The following MAP3K2 variants were observed in gnomAD, a reference collection of about 807,000 sequenced individuals.
The protein encoded by MAP3K2 is MAP/ERK kinase kinase 2.
MAP3K2 carries 24 observed loss-of-function variants against 80.3 expected under a neutral mutation model. The observed-to-expected ratio is 0.30, with a 90% confidence interval of 0.22 to 0.42. MAP3K2 has a LOEUF of 0.42. Ranked by LOEUF, MAP3K2 falls within the 10% of genes least tolerant of loss-of-function variation. MAP3K2 has a pLI of 1.00. For synonymous variants in MAP3K2, 244 were observed against 253.7 expected (o/e 0.96, Z 0.36); for missense variants, 608 against 750.1 (o/e 0.81, Z 2.21).
intron 1 of MAP3K2, among the ~76,000 whole-genome samples, chr2:127,368,755 T>C (rs1687014217): frequency 6.6e-6 from 1 of 152,206 alleles, no homozygotes; most frequent in African/African-American, 2.4e-5. Flanking sequence ...AAATAGTTGT[T>C]ATAAGTTATT....
chr2:127,354,239 T>TAAAAA (rs56904810), intron 1 of MAP3K2, among the ~76,000 whole-genome samples: 1 of 113,618 alleles, frequency 8.8e-6, no homozygotes, highest in African/African-American at 3.4e-5. Context: ...GAATGATCAA[T>TAAAAA]AAAAAAAAAA....
chr2:127,300,963 T>C lies in MAP3K2; in HGVS notation c.*6616A>G, dbSNP rs947874351. The stretch of plus-strand genomic sequence containing the variant: ...AAGCTAATGCTAAAATCATCACTAG[T>C]TACATATGCTTTTAAAAAATAAATT... On this transcript the variant is annotated 3_prime_UTR_variant, in exon 17 of 17. Transcript: ENST00000682094. 4 of 152,328 alleles carry C rather than the reference T, an allele frequency of 2.6e-5. No homozygotes were observed. Among genetic ancestry groups the C allele is most frequent in the African/African-American group, 9.6e-5 (4 of 41,572 alleles). The allele number at this position is 152,328 out of a possible 1,614,324, so 9.4% of individuals were successfully genotyped here.
intron 5 of MAP3K2, among the ~76,000 whole-genome samples, chr2:127,332,093 T>C (rs1686269477): frequency 6.6e-6 from 1 of 152,212 alleles, no homozygotes; most frequent in Non-Finnish European, 1.5e-5. Flanking sequence ...TCTATGAGAA[T>C]TTTTTTCTAA....
At chr2:127,382,041 A>G (rs1029323253) in intron 1 of MAP3K2, among the ~76,000 whole-genome samples, 1 of 152,226 alleles carries the variant, frequency 6.6e-6, no homozygotes, top group African/African-American at 2.4e-5. Context: ...ACTGCTGTAG[A>G]CTATAAGAGA....
chr2:127,371,566 T>C (rs765665600), intron 1 of MAP3K2, among the ~76,000 whole-genome samples: 32 of 152,184 alleles, frequency 2.1e-4, no homozygotes, highest in Non-Finnish European at 4.0e-4. Flanking sequence ...AAAACGCTAA[T>C]GTGGATCGCC....
At chr2:127,356,143 A>G (rs1159698259) in intron 1 of MAP3K2, among the ~76,000 whole-genome samples, 1 of 152,080 alleles carries the variant, frequency 6.6e-6, no homozygotes, top group Non-Finnish European at 1.5e-5. Flanking sequence ...AAAGTTGTCC[A>G]TCAGGGCTGG....
intron 1 of MAP3K2, among the ~76,000 whole-genome samples, chr2:127,374,098 C>T (rs928136915): frequency 3.3e-5 from 5 of 152,094 alleles, no homozygotes; most frequent in African/African-American, 9.7e-5. Flanking sequence ...TCACATAATT[C>T]CCTCACTCAT....
At chr2:127,348,359 G>T (rs937280459) in intron 1 of MAP3K2, among the ~76,000 whole-genome samples, 1 of 152,112 alleles carries the variant, frequency 6.6e-6, no homozygotes, top group Admixed American at 6.5e-5. Context: ...CTACACTCCA[G>T]CCTGGACAAC....
chr2:127,332,090 GA>G (rs1284906495), intron 5 of MAP3K2, among the ~76,000 whole-genome samples: 1 of 152,080 alleles, frequency 6.6e-6, no homozygotes, highest in African/African-American at 2.4e-5. Context: ...CGCTCTATGA[GA>G]ATTTTTTTCT....
At chr2:127,385,410 T>A (rs539849754) in intron 1 of MAP3K2, among the ~76,000 whole-genome samples, 1 of 152,324 alleles carries the variant, frequency 6.6e-6, no homozygotes, top group African/African-American at 2.4e-5. Context: ...AGGTATATAC[T>A]TTTTTTAGAC....
At chr2:127,323,015 C>T (rs1686056619) in intron 11 of MAP3K2, among the ~76,000 whole-genome samples, 1 of 151,672 alleles carries the variant, frequency 6.6e-6, no homozygotes, top group Non-Finnish European at 1.5e-5. Flanking sequence ...CCTGTAATCC[C>T]AGCACTTTGG....
chr2:127,364,327 T>C lies in MAP3K2; in HGVS notation c.-65-21133A>G, dbSNP rs1181701903. The stretch of plus-strand genomic sequence containing the variant: ...GAGTAGGAGTCAATAGGTTCTGAGT[T>C]ATACTACGAAGTGTTCCATATGCCT... On this transcript the variant is annotated intron_variant, in intron 1 of 16. Coordinates refer to ENST00000682094, the MANE Select transcript of MAP3K2 (RefSeq NM_001371910.2). The surrounding 1 kb of genome is among the most constrained non-coding windows in gnomAD (Gnocchi z 4.1). Among the ~76,000 whole-genome samples, 2 of 152,226 alleles carry C rather than the reference T, an allele frequency of 1.3e-5. No homozygotes were observed. Among genetic ancestry groups the C allele is most frequent in the East Asian group, 1.9e-4 (1 of 5,200 alleles).
intron 1 of MAP3K2, among the ~76,000 whole-genome samples, chr2:127,360,698 T>C (rs546426795): frequency 6.6e-6 from 1 of 152,256 alleles, no homozygotes; most frequent in Non-Finnish European, 1.5e-5. Context: ...CTCATTACTC[T>C]GCAGACATCT....
In MAP3K2 at chr2:127,387,093, T is replaced by C. The variant is rs539492178; in HGVS notation, c.-66+359A>G. On this transcript the variant is annotated intron_variant, in intron 1 of 16. Coordinates refer to ENST00000682094, the MANE Select transcript of MAP3K2 (RefSeq NM_001371910.2). ...GGGAAACAACCTTACATCAAAAGAT[T>C]ACCACACTGTGACAGTGCAAAGACA... 7.2e-5 allele frequency among the ~76,000 whole-genome samples: 11 copies of C among 152,292 alleles called. No homozygotes were observed. In the South Asian group the frequency reaches 1.2e-3, roughly 17 times the overall value.
chr2:127,380,239 C>T (rs1318646632), intron 1 of MAP3K2, among the ~76,000 whole-genome samples: 2 of 152,098 alleles, frequency 1.3e-5, no homozygotes, highest in Non-Finnish European at 2.9e-5. Flanking sequence ...AACGACACAT[C>T]AATGATTATA....
At chr2:127,333,739 G>C (rs527703557) in intron 5 of MAP3K2, among the ~76,000 whole-genome samples, 1 of 151,708 alleles carries the variant, frequency 6.6e-6, no homozygotes, top group Non-Finnish European at 1.5e-5. Context: ...CCTTCAGAAA[G>C]CATGAGAAAA....
rs1687386183 is a variant in MAP3K2 at position 127,387,449 on chromosome 2, T to G, written c.-66+3A>C. On this transcript the variant is annotated splice_donor_region_variant and intron_variant, in intron 1 of 16. Transcript: ENST00000682094. ...GCGCGCGCGCACGCACACACGCACG[T>G]ACCGGCTGCTCCGCAGGGACGTAGA... 2.1e-6 allele frequency: 2 copies of G among 967,190 alleles called. No homozygotes were observed. The highest frequency in any genetic ancestry group is 2.0e-5 in the African/African-American group (1 of 48,974). The allele number at this position is 967,190 out of a possible 1,614,324, so 59.9% of individuals were successfully genotyped here.
chr2:127,322,321 T>G lies in MAP3K2; in HGVS notation c.839-69A>C. 1 of 1,030,024 alleles carries G rather than the reference T, an allele frequency of 9.7e-7. No individual in the cohort carries two copies. The highest frequency in any genetic ancestry group is 1.4e-6 in the Non-Finnish European group (1 of 708,992). 63.8% of individuals were successfully genotyped at this position (1,030,024 alleles called of 1,614,324 possible). ...GTTATACTTTTAAAGTATTTAAAAT[T>G]TGTAATGTAGAGAATAGAAATTTGT... On this transcript the variant is annotated intron_variant, in intron 11 of 16. Coordinates refer to ENST00000682094, the MANE Select transcript of MAP3K2 (RefSeq NM_001371910.2). The surrounding 1 kb of genome is among the most constrained non-coding windows in gnomAD (Gnocchi z 4.2).
rs1685707748 is a variant in MAP3K2 at position 127,306,761 on chromosome 2, C to T, written c.*818G>A. ...CTATTGACTGTAAATGTGGTCTCTT[C>T]TACTGCTCACACATTTGATAAGAGT... On this transcript the variant is annotated 3_prime_UTR_variant, in exon 17 of 17. Coordinates refer to ENST00000682094, the MANE Select transcript of MAP3K2 (RefSeq NM_001371910.2). The surrounding 1 kb of genome is among the most constrained non-coding windows in gnomAD (Gnocchi z 4.7). 1 of 152,150 alleles carries T rather than the reference C, an allele frequency of 6.6e-6. No individual in the cohort carries two copies. The highest frequency in any genetic ancestry group is 2.4e-5 in the African/African-American group (1 of 41,354). The allele number at this position is 152,150 out of a possible 1,614,324, so 9.4% of individuals were successfully genotyped here.
Sources: allele counts gnomAD v4.1 joint callset (sites outside exome capture counted in the v4.1 genomes callset), GRCh38; gene constraint gnomAD v4.1.1; non-coding constraint Gnocchi (gnomAD v3.1); transcripts MANE v1.5; gene names NCBI Gene and HGNC (gene_info 2026-07-23, HGNC 2026-07-21).